The following NR6A1 variants were observed in gnomAD, a reference collection of about 807,000 sequenced individuals.
The protein encoded by NR6A1 is retinoic acid receptor-related testis-associated receptor.
NR6A1 carries 7 observed loss-of-function variants against 59.1 expected under a neutral mutation model. The ratio of observed to expected loss-of-function variants is 0.12; its 90% CI spans 0.07 to 0.22. The LOEUF is 0.22. Ranked by LOEUF, NR6A1 falls within the 10% of genes least tolerant of loss-of-function variation. The pLI is 1.00. For missense variants in NR6A1, 468 were observed against 611.6 expected (o/e 0.77, Z 2.48); for synonymous variants, 243 against 236.1 (o/e 1.03, Z -0.27).
intron 1 of NR6A1, among the ~76,000 whole-genome samples, chr9:124,749,423 CTTTTA>C (rs1314215630): frequency 6.6e-6 from 1 of 152,124 alleles, no homozygotes; most frequent in Non-Finnish European, 1.5e-5. Context: ...GGAATAGGAC[CTTTTA>C]CTAAGTCATC....
chr9:124,551,789 G>C (rs565464537), intron 3 of NR6A1, among the ~76,000 whole-genome samples: 1 of 152,250 alleles, frequency 6.6e-6, no homozygotes, highest in South Asian at 2.1e-4. Flanking sequence ...GTGGTGTAAA[G>C]TTCTATGGGT....
chr9:124,717,651 C>T (rs1238211702), intron 2 of NR6A1, among the ~76,000 whole-genome samples: 1 of 152,184 alleles, frequency 6.6e-6, no homozygotes, highest in Non-Finnish European at 1.5e-5. Context: ...TACTAGGGTG[C>T]ACACATTTAT....
chr9:124,631,316 C>G (rs1191225649), intron 2 of NR6A1, among the ~76,000 whole-genome samples: 1 of 152,108 alleles, frequency 6.6e-6, no homozygotes, highest in Non-Finnish European at 1.5e-5. Flanking sequence ...ATGGCCACAA[C>G]TGGAAGATGA....
intron 2 of NR6A1, among the ~76,000 whole-genome samples, chr9:124,716,814 T>C (rs1839427581): frequency 6.6e-6 from 1 of 152,166 alleles, no homozygotes; most frequent in South Asian, 2.1e-4. Flanking sequence ...GTATTTTTAG[T>C]AGAGACGGGG....
intron 3 of NR6A1, among the ~76,000 whole-genome samples, chr9:124,547,861 G>A (rs997940507): frequency 6.6e-6 from 1 of 152,124 alleles, no homozygotes; most frequent in South Asian, 2.1e-4. Flanking sequence ...TAAATGTAAT[G>A]TGATTTCCTG....
At chr9:124,643,101 T>C (rs377495134) in intron 2 of NR6A1, among the ~76,000 whole-genome samples, 1 of 31,186 alleles carries the variant, frequency 3.2e-5, no homozygotes, top group Non-Finnish European at 1.1e-4. Context: ...AGCCCTCGGG[T>C]GGGGGGGGGG....
At chr9:124,611,774 A>AGAGAGAATGAGAGAGAAT (rs1554733163) in intron 2 of NR6A1, among the ~76,000 whole-genome samples, 2 of 105,724 alleles carry the variant, frequency 1.9e-5, no homozygotes, top group African/African-American at 9.3e-5. Flanking sequence ...AGAGAGAGAG[A>AGAGAGAATGAGAGAGAAT]GAGAGAGAAT....
chr9:124,529,858 G>T (rs1833047883), intron 7 of NR6A1, among the ~76,000 whole-genome samples: 1 of 152,016 alleles, frequency 6.6e-6, no homozygotes, highest in Non-Finnish European at 1.5e-5. Context: ...ATGTTCTTGG[G>T]AGTGGGAAAA....
At chr9:124,556,237 C>T (rs1427739450) in intron 2 of NR6A1, among the ~76,000 whole-genome samples, 2 of 152,184 alleles carry the variant, frequency 1.3e-5, no homozygotes, top group East Asian at 1.9e-4. Context: ...CAAGTGTCTT[C>T]GTAAGACAGA....
intron 2 of NR6A1, among the ~76,000 whole-genome samples, chr9:124,703,267 T>C (rs1320789739): frequency 6.8e-6 from 1 of 146,424 alleles, no homozygotes; most frequent in East Asian, 2.0e-4. Context: ...GCCTGGAGTA[T>C]AGTGGCACAA....
chr9:124,693,126 C>A (rs889081721), intron 2 of NR6A1, among the ~76,000 whole-genome samples: 1 of 152,166 alleles, frequency 6.6e-6, no homozygotes, highest in African/African-American at 2.4e-5. Context: ...CAAGCAAAAA[C>A]TTAGCCCTGG....
chr9:124,520,322 A>T lies in NR6A1; in HGVS notation c.*2383T>A, dbSNP rs77518605. ...GGTCAGGCTCCGGCTCGGAACACAC[A>T]GCCACTTTGCTCTGAGATTCTGCAG... On this transcript the variant is annotated 3_prime_UTR_variant, in exon 10 of 10. Coordinates refer to ENST00000487099, the MANE Select transcript of NR6A1 (RefSeq NM_033334.4). 2.6e-5 allele frequency: 4 copies of T among 152,220 alleles called. No homozygotes were observed. Among genetic ancestry groups the T allele is most frequent in the African/African-American group, 9.7e-5 (4 of 41,450 alleles). 9.4% of individuals were successfully genotyped at this position (152,220 alleles called of 1,614,324 possible).
intron 2 of NR6A1, among the ~76,000 whole-genome samples, chr9:124,585,705 C>T (rs374382617): frequency 7.2e-5 from 11 of 152,162 alleles, no homozygotes; most frequent in African/African-American, 2.4e-4. Context: ...ACACCATCTA[C>T]GGGCTTTCAT....
In NR6A1 at chr9:124,704,999, G is replaced by T. The variant is rs537227836; in HGVS notation, c.142+28309C>A. ...GATCCGCCCACCTTGGCCTCCCAAA[G>T]TGCTGGGATTATAGGCATGAGCCAC... On this transcript the variant is annotated intron_variant, in intron 2 of 9. Coordinates refer to ENST00000487099, the MANE Select transcript of NR6A1 (RefSeq NM_033334.4). Among the ~76,000 whole-genome samples, 91 of 152,346 alleles carry T rather than the reference G, an allele frequency of 6.0e-4. 1 individual carries two copies. In the South Asian group the frequency reaches 0.018, roughly 31 times the overall value.
intron 2 of NR6A1, among the ~76,000 whole-genome samples, chr9:124,563,263 G>A (rs1450320968): frequency 3.9e-5 from 6 of 152,174 alleles, no homozygotes; most frequent in African/African-American, 1.2e-4. Flanking sequence ...TACCGAGAAA[G>A]GGTAAAATTC....
At chr9:124,754,578 G>A (rs572718986) in intron 1 of NR6A1, among the ~76,000 whole-genome samples, 7 of 152,116 alleles carry the variant, frequency 4.6e-5, no homozygotes, top group African/African-American at 1.4e-4. Flanking sequence ...TGATGTATAG[G>A]AAACGGGAAA....
intron 2 of NR6A1, among the ~76,000 whole-genome samples, chr9:124,625,498 T>G (rs374543617): frequency 2.6e-5 from 4 of 152,224 alleles, no homozygotes; most frequent in African/African-American, 9.6e-5. Context: ...GGCTAATTCT[T>G]TTTTGTAGAG....
chr9:124,587,300 T>C (rs1834964459), intron 2 of NR6A1, among the ~76,000 whole-genome samples: 1 of 152,226 alleles, frequency 6.6e-6, no homozygotes, highest in Admixed American at 6.5e-5. Flanking sequence ...TTCGAGTGAC[T>C]TGCTTTATTG....
At chr9:124,770,868 C>T in intron 1 of NR6A1, 152 bp downstream of exon 1, 1 of 412,522 alleles carries the variant, frequency 2.4e-6, no homozygotes, top group Non-Finnish European at 4.2e-6. Context: ...AGGGTCCGCG[C>T]CAACGGGGAA....
Sources: allele counts gnomAD v4.1 joint callset (sites outside exome capture counted in the v4.1 genomes callset), GRCh38; gene constraint gnomAD v4.1.1; transcripts MANE v1.5; gene names NCBI Gene and HGNC (gene_info 2026-07-23, HGNC 2026-07-21).